Variants in ADAMTSL1 observed in about 807,000 individuals in gnomAD.
ADAMTSL1 encodes ADAMTS-like protein 1.
A neutral mutation model predicts 201.8 loss-of-function variants in ADAMTSL1; 126 were observed. That is an observed-to-expected ratio of 0.62 (90% CI 0.54 to 0.72). The LOEUF (loss-of-function observed/expected upper bound fraction) is 0.72. ADAMTSL1 is among the 30% of genes least tolerant of loss of function. The probability of loss-of-function intolerance (pLI) is 0.00; values close to 1 mark genes in which losing one functional copy is unlikely to be tolerated. For synonymous variants in ADAMTSL1, 1,121 were observed against 903.4 expected (o/e 1.24, Z -4.32); for missense variants, 2,679 against 2,277.8 (o/e 1.18, Z -3.59).
chr9:18,583,990 C>T (rs1198069019), intron 4 of ADAMTSL1, among the ~76,000 whole-genome samples: 3 of 152,138 alleles, frequency 2.0e-5, no homozygotes, highest in Non-Finnish European at 2.9e-5. Flanking sequence ...TCAGATGAGA[C>T]GATGGACTGT....
chr9:18,340,470 C>A (rs1400070122), intron 2 of ADAMTSL1, among the ~76,000 whole-genome samples: 2 of 152,118 alleles, frequency 1.3e-5, no homozygotes, highest in African/African-American at 4.8e-5. Context: ...AGCTCATAAT[C>A]TTCTCTTACA....
intron 9 of ADAMTSL1, 76 bp downstream of exon 9, chr9:18,662,149 C>T (rs1034844192): frequency 4.9e-5 from 74 of 1,509,578 alleles, no homozygotes; most frequent in Middle Eastern, 1.8e-4. Context: ...TAAAATGAAA[C>T]GTTTTAATTA....
intron 20 of ADAMTSL1, among the ~76,000 whole-genome samples, chr9:18,801,979 A>G (rs1822833274): frequency 6.6e-6 from 1 of 152,174 alleles, no homozygotes; most frequent in South Asian, 2.1e-4. Context: ...ACAGCTTTTC[A>G]TATATTCAGA....
At chr9:18,546,896 A>C (rs1157392169) in intron 3 of ADAMTSL1, among the ~76,000 whole-genome samples, 1 of 152,176 alleles carries the variant, frequency 6.6e-6, no homozygotes, top group African/African-American at 2.4e-5. Flanking sequence ...TTGGAAGAAA[A>C]ATAATCATTC....
intron 2 of ADAMTSL1, among the ~76,000 whole-genome samples, chr9:18,247,505 C>T (rs890617145): frequency 2.6e-5 from 4 of 152,150 alleles, no homozygotes; most frequent in Admixed American, 6.5e-5. Context: ...GAAATAAATA[C>T]ATATCAAATA....
At chr9:18,659,287 A>C (rs908143002) in intron 8 of ADAMTSL1, among the ~76,000 whole-genome samples, 1 of 152,256 alleles carries the variant, frequency 6.6e-6, no homozygotes, top group African/African-American at 2.4e-5. Context: ...GTTTCTATCT[A>C]CACAATGTAA....
intron 2 of ADAMTSL1, among the ~76,000 whole-genome samples, chr9:18,342,519 G>A (rs1359376613): frequency 6.6e-6 from 1 of 152,142 alleles, no homozygotes; most frequent in African/African-American, 2.4e-5. Context: ...CTCTAAGTTA[G>A]AGAATTATAT....
intron 3 of ADAMTSL1, among the ~76,000 whole-genome samples, chr9:18,571,838 T>C (rs1352504353): frequency 6.6e-6 from 1 of 152,236 alleles, no homozygotes; most frequent in African/African-American, 2.4e-5. Flanking sequence ...TAAGACAATA[T>C]TAAATCAGTT....
chr9:18,131,455 G>C (rs10756939), intron 1 of ADAMTSL1, among the ~76,000 whole-genome samples: 61,329 of 151,934 alleles, frequency 0.4, 13,269 homozygotes, highest in South Asian at 0.49. Flanking sequence ...GTTTGGGAAG[G>C]TTTCTTAGAG....
intron 1 of ADAMTSL1, among the ~76,000 whole-genome samples, chr9:17,911,189 A>C (rs10963333): frequency 0.58 from 39,109 of 67,852 alleles, 17,267 homozygotes; most frequent in Non-Finnish European, 0.84. Flanking sequence ...ACACTTCTTA[A>C]AGGATTCTTT....
At chr9:18,302,142 G>C (rs889317560) in intron 2 of ADAMTSL1, among the ~76,000 whole-genome samples, 2 of 152,158 alleles carry the variant, frequency 1.3e-5, no homozygotes, top group African/African-American at 4.8e-5. Flanking sequence ...GGTTGCTGTT[G>C]TACTTTGGCC....
chr9:18,892,881 C>A (rs1248303069), intron 26 of ADAMTSL1, among the ~76,000 whole-genome samples: 1 of 152,084 alleles, frequency 6.6e-6, no homozygotes, highest in Non-Finnish European at 1.5e-5. Flanking sequence ...CATTTATGTC[C>A]TCCACTCCCA....
chr9:18,866,631 G>A (rs1478663314), intron 23 of ADAMTSL1, among the ~76,000 whole-genome samples: 2 of 152,186 alleles, frequency 1.3e-5, no homozygotes, highest in Non-Finnish European at 2.9e-5. Flanking sequence ...CTGATGTGAA[G>A]GGAAATACAG....
Position 18,013,275 on chromosome 9 carries a change from C to T in ADAMTSL1, c.87+106353C>T, listed in dbSNP as rs570504377. On this transcript the variant is annotated intron_variant, in intron 1 of 29. Coordinates refer to the ADAMTSL1 transcript ENST00000680146. The stretch of plus-strand genomic sequence containing the variant: ...GTACACTTTCAAACTTTGATGAAGC[C>T]TAACAGAAATTTGACTTCTGCCCAA... Among the ~76,000 whole-genome samples, 8 of 152,048 alleles carry T rather than the reference C, an allele frequency of 5.3e-5. No homozygotes were observed. In the South Asian group the frequency reaches 1.7e-3, roughly 32 times the overall value.
intron 13 of ADAMTSL1, among the ~76,000 whole-genome samples, chr9:18,700,211 T>G (rs1564161691): frequency 1.3e-5 from 2 of 152,246 alleles, no homozygotes; most frequent in African/African-American, 4.8e-5. Flanking sequence ...ATTTTACAAG[T>G]AATTTTAAAA....
At chr9:18,312,524 T>C (rs1834195667) in intron 2 of ADAMTSL1, among the ~76,000 whole-genome samples, 1 of 152,196 alleles carries the variant, frequency 6.6e-6, no homozygotes, top group South Asian at 2.1e-4. Context: ...GGTAGTGGTA[T>C]GGACTGTGCA....
intron 1 of ADAMTSL1, among the ~76,000 whole-genome samples, chr9:18,488,816 C>A (rs532755215): frequency 1.3e-5 from 2 of 152,316 alleles, no homozygotes; most frequent in East Asian, 3.9e-4. Flanking sequence ...TGCCTCGTAA[C>A]TACAGTCTTC....
At chr9:18,418,900 A>T (rs1818813898) in intron 2 of ADAMTSL1, among the ~76,000 whole-genome samples, 1 of 152,250 alleles carries the variant, frequency 6.6e-6, no homozygotes, top group South Asian at 2.1e-4. Flanking sequence ...TGGAAAAGAC[A>T]TAAAGTTGGA....
At chr9:17,931,471 G>A (rs1426459070) in intron 1 of ADAMTSL1, among the ~76,000 whole-genome samples, 4 of 152,084 alleles carry the variant, frequency 2.6e-5, no homozygotes, top group African/African-American at 9.7e-5. Flanking sequence ...GGGAGGAGAC[G>A]GCATTTAGAG....
Sources: gnomAD v4.1 joint callset for allele counts (sites outside exome capture counted in the v4.1 genomes callset) on GRCh38, gnomAD v4.1.1 for gene constraint, MANE v1.5 for transcripts, NCBI Gene and HGNC (gene_info 2026-07-23, HGNC 2026-07-21) for gene names.